PBX1: variants seen among roughly 807,000 people sequenced by gnomAD.
PBX1 encodes PBX homeobox 1.
In PBX1, 6 loss-of-function variants were observed where a neutral mutation model predicts 53.4. The ratio of observed to expected loss-of-function variants is 0.11; its 90% CI spans 0.06 to 0.22. The LOEUF is 0.22. PBX1 is among the 10% of genes least tolerant of loss of function. The pLI is 1.00. For missense variants in PBX1, 251 were observed against 551.4 expected, an observed-to-expected ratio of 0.46 and a Z score of 5.46; for synonymous variants, 204 against 212.3, an observed-to-expected ratio of 0.96 and a Z score of 0.34.
At chr1:164,829,705 C>A (rs1333858440) in intron 8 of PBX1, 1 of 151,712 alleles carries the variant, frequency 6.6e-6, no homozygotes, top group African/African-American at 2.4e-5. Context: ...TGGAGCAAAC[C>A]ACCATGGCAC....
chr1:164,782,303 C>T (rs1006104515), intron 2 of PBX1, among the ~76,000 whole-genome samples: 2 of 152,196 alleles, frequency 1.3e-5, no homozygotes, highest in Non-Finnish European at 2.9e-5. Flanking sequence ...TGTTTGGCAT[C>T]AGTGACATCA....
At chr1:164,843,140 G>A (rs565070050) in intron 8 of PBX1, among the ~76,000 whole-genome samples, 2 of 152,232 alleles carry the variant, frequency 1.3e-5, no homozygotes, top group South Asian at 2.1e-4. Context: ...TGAAGCAGCC[G>A]AAGTGATTTA....
chr1:164,643,885 G>A (rs1422436119), intron 2 of PBX1, among the ~76,000 whole-genome samples: 2 of 152,202 alleles, frequency 1.3e-5, no homozygotes, highest in Non-Finnish European at 2.9e-5. Flanking sequence ...GTGGTCTGAA[G>A]ACTCTTATGT....
intron 2 of PBX1, among the ~76,000 whole-genome samples, chr1:164,785,287 A>T (rs1668121193): frequency 6.6e-6 from 1 of 152,192 alleles, no homozygotes; most frequent in Non-Finnish European, 1.5e-5. Context: ...AATCACCATT[A>T]AAAAAGGCAT....
chr1:164,611,063 A>ATGT (rs1656889784), intron 2 of PBX1, among the ~76,000 whole-genome samples: 1 of 151,756 alleles, frequency 6.6e-6, no homozygotes. Flanking sequence ...AATCCTCCCC[A>ATGT]TGTTCTTTTG....
Position 164,850,578 on chromosome 1 carries a change from A to T in PBX1, c.*3902A>T, listed in dbSNP as rs531037350. 1 of 191,490 alleles carries T rather than the reference A, an allele frequency of 5.2e-6. No individual in the cohort carries two copies. Among genetic ancestry groups the T allele is most frequent in the South Asian group, 2.0e-4 (1 of 5,112 alleles). 11.9% of individuals were successfully genotyped at this position (191,490 alleles called of 1,614,324 possible). A position where few individuals can be genotyped will look rare whatever the true frequency, so the allele number is the denominator to read the frequency against. On this transcript the variant is annotated 3_prime_UTR_variant, in exon 9 of 9. Transcript: ENST00000420696. ...TTTTCTTCAATATGTATACAAGGTG[A>T]TGTGAAAAGATGACTTGGGCAGAGG...
chr1:164,588,144 A>G (rs1466920789), intron 2 of PBX1, among the ~76,000 whole-genome samples: 1 of 152,194 alleles, frequency 6.6e-6, no homozygotes, highest in Admixed American at 6.5e-5. Flanking sequence ...CAGGGAGCTG[A>G]AAAACCTCAC....
chr1:164,698,815 C>G (rs1662937809), intron 2 of PBX1, among the ~76,000 whole-genome samples: 1 of 152,222 alleles, frequency 6.6e-6, no homozygotes, highest in Non-Finnish European at 1.5e-5. Flanking sequence ...CCTAAATACT[C>G]TCAAGCATTC....
At chr1:164,782,917 C>A (rs1668002039) in intron 2 of PBX1, among the ~76,000 whole-genome samples, 1 of 152,174 alleles carries the variant, frequency 6.6e-6, no homozygotes, top group Non-Finnish European at 1.5e-5. Context: ...AAACATGCTT[C>A]CTCAAACCTT....
chr1:164,725,099 A>AC (rs1232988272), intron 2 of PBX1, among the ~76,000 whole-genome samples: 2 of 145,218 alleles, frequency 1.4e-5, no homozygotes, highest in Non-Finnish European at 3.0e-5. Flanking sequence ...GGCAGCTTGA[A>AC]CCCCCCACCC....
At chr1:164,704,685 T>C (rs1663328354) in intron 2 of PBX1, among the ~76,000 whole-genome samples, 1 of 152,212 alleles carries the variant, frequency 6.6e-6, no homozygotes, top group African/African-American at 2.4e-5. Flanking sequence ...TATTTTTCAC[T>C]GGCTAAAAAG....
chr1:164,659,134 C>CA (rs763251707), intron 2 of PBX1, among the ~76,000 whole-genome samples: 18 of 152,162 alleles, frequency 1.2e-4, no homozygotes, highest in Non-Finnish European at 2.5e-4. Context: ...GTCACATGGA[C>CA]ACAGAGAGGG....
intron 6 of PBX1, chr1:164,819,347 T>C (rs924597875): frequency 6.6e-6 from 1 of 152,116 alleles, no homozygotes; most frequent in Non-Finnish European, 1.5e-5. Context: ...TTAGCAGCGA[T>C]GTTTCATATT....
intron 2 of PBX1, among the ~76,000 whole-genome samples, chr1:164,766,947 C>T (rs1467902836): frequency 6.6e-6 from 1 of 151,782 alleles, no homozygotes; most frequent in Non-Finnish European, 1.5e-5. Flanking sequence ...TCAGGCTGGT[C>T]TCGAACTCCC....
intron 2 of PBX1, among the ~76,000 whole-genome samples, chr1:164,733,135 G>C (rs1245136712): frequency 6.6e-6 from 1 of 152,084 alleles, no homozygotes; most frequent in African/African-American, 2.4e-5. Flanking sequence ...TTCTCACCAG[G>C]TTCTGAGATA....
chr1:164,775,378 G>A (rs1357832116), intron 2 of PBX1, among the ~76,000 whole-genome samples: 1 of 152,170 alleles, frequency 6.6e-6, no homozygotes, highest in Admixed American at 6.5e-5. Flanking sequence ...GGCGGGACAA[G>A]TTGAGTGTGT....
At chr1:164,755,038 C>T (rs1305394660) in intron 2 of PBX1, among the ~76,000 whole-genome samples, 1 of 152,150 alleles carries the variant, frequency 6.6e-6, no homozygotes, top group Non-Finnish European at 1.5e-5. Flanking sequence ...GCACACAACT[C>T]CTCTCTCCTT....
At chr1:164,666,963 A>C (rs946485364) in intron 2 of PBX1, among the ~76,000 whole-genome samples, 4 of 152,156 alleles carry the variant, frequency 2.6e-5, no homozygotes, top group African/African-American at 9.7e-5. Context: ...CCTCTTTGTC[A>C]CAGAGTGTGT....
intron 2 of PBX1, among the ~76,000 whole-genome samples, chr1:164,693,821 G>A (rs1266224845): frequency 6.6e-6 from 1 of 152,150 alleles, no homozygotes; most frequent in African/African-American, 2.4e-5. Context: ...ACACCATGAC[G>A]TCTGCCTTTT....
Sources: gnomAD v4.1 joint callset for allele counts (sites outside exome capture counted in the v4.1 genomes callset) on GRCh38, gnomAD v4.1.1 for gene constraint, MANE v1.5 for transcripts, NCBI Gene and HGNC (gene_info 2026-07-23, HGNC 2026-07-21) for gene names.